Variants in STYK1 observed in about 807,000 individuals in gnomAD.
STYK1 encodes the protein tyrosine-protein kinase STYK1.
A neutral mutation model predicts 48.1 loss-of-function variants in STYK1; 46 were observed. The ratio of observed to expected loss-of-function variants is 0.96; its 90% CI spans 0.75 to 1.22. The LOEUF is 1.22. STYK1 is among the 50% of genes most tolerant of loss of function. STYK1 has a pLI of 0.00. For synonymous variants in STYK1, 188 were observed against 189.0 expected (o/e 0.99, Z 0.04); for missense variants, 527 against 521.1 (o/e 1.01, Z -0.11).
chr12:10,626,277 A>T (rs1947357876), intron 7 of STYK1, among the ~76,000 whole-genome samples: 1 of 152,152 alleles, frequency 6.6e-6, no homozygotes, highest in Admixed American at 6.5e-5. Context: ...AATTTGACCA[A>T]TTCATCCCTG....
At chr12:10,628,568 A>G (rs990942322) in intron 6 of STYK1, among the ~76,000 whole-genome samples, 10 of 152,238 alleles carry the variant, frequency 6.6e-5, no homozygotes, top group Non-Finnish European at 1.3e-4. Flanking sequence ...ATGGAAGACA[A>G]TAACAGGGTC....
chr12:10,621,715 T>C (rs188300218), intron 10 of STYK1, among the ~76,000 whole-genome samples, 161 bp downstream of exon 10: 13 of 152,052 alleles, frequency 8.5e-5, no homozygotes, highest in African/African-American at 2.9e-4. Flanking sequence ...ATATATAATA[T>C]ATGAGATAGG....
intron 6 of STYK1, among the ~76,000 whole-genome samples, chr12:10,628,432 C>T (rs1460162843): frequency 3.9e-5 from 6 of 152,050 alleles, no homozygotes; most frequent in South Asian, 4.1e-4. Context: ...AATAGAGATG[C>T]GTGGTATTTT....
At chr12:10,671,232 GA>G in intron 1 of STYK1, among the ~76,000 whole-genome samples, 1 of 152,186 alleles carries the variant, frequency 6.6e-6, no homozygotes, top group East Asian at 1.9e-4. Context: ...CTGACCTCGT[GA>G]TCCGCCCACC....
In STYK1 at chr12:10,619,984, C is replaced by T. The variant is rs962349465; in HGVS notation, c.*160G>A. On this transcript the variant is annotated 3_prime_UTR_variant, in exon 11 of 11. Coordinates refer to ENST00000075503, the MANE Select transcript of STYK1 (RefSeq NM_018423.3). ...TAGCTCAGGATGTGTAGAGTCCCAT[C>T]CAGCATCATTTCAGATTTCCCGAGA... is the stretch of plus-strand genomic sequence containing the variant. 2 of 783,904 alleles carry T rather than the reference C, an allele frequency of 2.6e-6. No individual in the cohort carries two copies. The highest frequency in any genetic ancestry group is 3.4e-5 in the African/African-American group (2 of 58,278). The allele number at this position is 783,904 out of a possible 1,614,324, so 48.6% of individuals were successfully genotyped here. A position where few individuals can be genotyped will look rare whatever the true frequency, so the allele number is the denominator to read the frequency against.
chr12:10,659,696 A>T (rs1387617047), intron 1 of STYK1, among the ~76,000 whole-genome samples: 1 of 152,214 alleles, frequency 6.6e-6, no homozygotes, highest in African/African-American at 2.4e-5. Flanking sequence ...ATCTGAAATT[A>T]CTTATGGAAT....
At chr12:10,643,114 T>TA (rs771249321) in intron 1 of STYK1, among the ~76,000 whole-genome samples, 6 of 152,188 alleles carry the variant, frequency 3.9e-5, no homozygotes, top group Non-Finnish European at 7.3e-5. Context: ...TCTGCCCACT[T>TA]ACTCATGCCT....
Position 10,672,325 on chromosome 12 carries a change from C to T in STYK1, c.-195+1641G>A, listed in dbSNP as rs187468717. 3.0e-3 allele frequency among the ~76,000 whole-genome samples: 459 copies of T among 152,316 alleles called. 5 individuals carry two copies. Among genetic ancestry groups the T allele is most frequent in the African/African-American group, 0.011 (441 of 41,562 alleles). ...AAAGCTTCATCTGCATTTACAGCCA[C>T]TCCCCATCGCTGTCATTGCCTCCTG... is the stretch of plus-strand genomic sequence containing the variant. On this transcript the variant is annotated intron_variant, in intron 1 of 10. Transcript: ENST00000075503. This position sits in a 1 kb window ranked among gnomAD's most constrained non-coding sequence, Gnocchi z 4.0.
chr12:10,619,849 C>A lies in STYK1; in HGVS notation c.*295G>T. On this transcript the variant is annotated 3_prime_UTR_variant, in exon 11 of 11. Coordinates refer to ENST00000075503, the MANE Select transcript of STYK1 (RefSeq NM_018423.3). ...ACGGGAGGGATGAGCTTATTTGTGC[C>A]ATGCCCCAACAAATACTGCAGAGTT... 2.3e-6 allele frequency: 1 copy of A among 438,522 alleles called. No individual in the cohort carries two copies. The allele number at this position is 438,522 out of a possible 1,614,324, so 27.2% of individuals were successfully genotyped here. A position where few individuals can be genotyped will look rare whatever the true frequency, so the allele number is the denominator to read the frequency against.
chr12:10,630,530 T>G (rs12316442), intron 5 of STYK1, among the ~76,000 whole-genome samples: 1 of 149,758 alleles, frequency 6.7e-6, no homozygotes, highest in Non-Finnish European at 1.5e-5. Flanking sequence ...TAGGCAAAGA[T>G]GAGCTAGGGA....
At position 10,672,751 on chromosome 12, in the gene STYK1, T is replaced by A. The variant is rs1247589721; in HGVS notation, c.-195+1215A>T. ...GCCTGGTGCCAAAAGCCATGCAGTT[T>A]GTGGTACCTTGTTACAGCAGCCCTA... On this transcript the variant is annotated intron_variant, in intron 1 of 10. Transcript: ENST00000075503. The surrounding 1 kb of genome is among the most constrained non-coding windows in gnomAD (Gnocchi z 4.0). Among the ~76,000 whole-genome samples, 5 of 152,176 alleles carry A rather than the reference T, an allele frequency of 3.3e-5. No individual in the cohort carries two copies. In the East Asian group the frequency reaches 9.6e-4, roughly 29 times the overall value.
At chr12:10,643,404 C>T (rs1027301413) in intron 1 of STYK1, among the ~76,000 whole-genome samples, 1 of 152,148 alleles carries the variant, frequency 6.6e-6, no homozygotes, top group Non-Finnish European at 1.5e-5. Flanking sequence ...GCTGGCCACA[C>T]TGAAAACCTG....
At position 10,627,010 on chromosome 12, in the gene STYK1, A is replaced by G. The variant is rs530543365; in HGVS notation, c.717+631T>C. Among the ~76,000 whole-genome samples the G allele has an allele frequency of 7.9e-5, 12 of 152,266 alleles. No homozygotes were observed. The South Asian group carries it at 2.1e-3, about 26-fold the overall frequency. On this transcript the variant is annotated intron_variant, in intron 7 of 10. Coordinates refer to ENST00000075503, the MANE Select transcript of STYK1 (RefSeq NM_018423.3). ...CAACTGAGCAAGACTCCATCTCAAA[A>G]AATAAATAAATAAATAAACAAATAT...
intron 1 of STYK1, among the ~76,000 whole-genome samples, chr12:10,669,634 G>A (rs1947871483): frequency 6.6e-6 from 1 of 151,988 alleles, no homozygotes. Context: ...GACAAATGGG[G>A]TTACATCAAA....
chr12:10,652,230 G>A (rs1386498244), intron 1 of STYK1, among the ~76,000 whole-genome samples: 2 of 152,040 alleles, frequency 1.3e-5, no homozygotes, highest in Non-Finnish European at 2.9e-5. Flanking sequence ...TTCTACATTG[G>A]CAGCCACTAT....
At chr12:10,642,012 G>C (rs1947550784) in intron 1 of STYK1, among the ~76,000 whole-genome samples, 1 of 152,194 alleles carries the variant, frequency 6.6e-6, no homozygotes, top group Non-Finnish European at 1.5e-5. Context: ...TGCCTTCCTA[G>C]TTTAGTGAGC....
chr12:10,661,015 C>G (rs1947771426), intron 1 of STYK1, among the ~76,000 whole-genome samples: 1 of 152,078 alleles, frequency 6.6e-6, no homozygotes, highest in East Asian at 1.9e-4. Context: ...TGGACTAGCC[C>G]TGAATTCTTT....
intron 1 of STYK1, among the ~76,000 whole-genome samples, chr12:10,649,839 G>C (rs1039443325): frequency 6.6e-6 from 1 of 152,148 alleles, no homozygotes; most frequent in African/African-American, 2.4e-5. Context: ...CAGGCCGGGA[G>C]CAGTGGTTCA....
chr12:10,643,412 C>T (rs776376600), intron 1 of STYK1, among the ~76,000 whole-genome samples: 1 of 152,158 alleles, frequency 6.6e-6, no homozygotes, highest in Non-Finnish European at 1.5e-5. Flanking sequence ...CACTGAAAAC[C>T]TGAGTTGCTA....
Sources: allele counts gnomAD v4.1 joint callset (sites outside exome capture counted in the v4.1 genomes callset), GRCh38; gene constraint gnomAD v4.1.1; non-coding constraint Gnocchi (gnomAD v3.1); transcripts MANE v1.5; gene names NCBI Gene and HGNC (gene_info 2026-07-23, HGNC 2026-07-21).